The following ZNF469 variants were observed in gnomAD, a reference collection of about 807,000 sequenced individuals.
ZNF469 encodes zinc finger protein 469.
In ZNF469, 1 loss-of-function variant was observed where a neutral mutation model predicts 1.0. That is an observed-to-expected ratio of 1.00 (90% CI 0.35 to 4.73). ZNF469 has a LOEUF of 4.73. ZNF469 is among the 30% of genes most tolerant of loss of function. The pLI, the probability that ZNF469 is intolerant of heterozygous loss-of-function variation, is 0.16. For missense variants in ZNF469, 6,100 were observed against 5,356.3 expected, an observed-to-expected ratio of 1.14 and a Z score of -4.33; for synonymous variants, 2,703 against 2,363.4, an observed-to-expected ratio of 1.14 and a Z score of -4.17.
chr16:88,294,975 G>T, the ZNF469 span: 1 of 171,720 alleles, frequency 5.8e-6, no homozygotes, highest in South Asian at 1.2e-4. Context: ...CAGGGTCTGG[G>T]GAGGATGTCA....
chr16:88,358,101 G>C, the ZNF469 span, among the ~76,000 whole-genome samples: 1 of 152,244 alleles, frequency 6.6e-6, no homozygotes, highest in African/African-American at 2.4e-5. Context: ...CTTCGCTTCA[G>C]TGTGGGCTGC....
Position 88,438,820 on chromosome 16 carries a change from GC to G in ZNF469, c.11353del (p.Gln3785LysfsTer21). The G allele has an allele frequency of 6.5e-7, 1 of 1,550,350 alleles. No individual in the cohort carries two copies. The highest frequency in any genetic ancestry group is 8.7e-7 in the Non-Finnish European group (1 of 1,146,968). ...SPAPERLPARAQAKSCTKGPR... is the reference protein window; with the variant it reads ...SPAPERLPARXQAKSCTKGPR... ...TGCACCAGAGAGGCTCCCCGCTCGAGCCCAAGCCAAGAGCTGCACCAAGGGG... is the reference window on the plus strand; with the variant it reads ...TGCACCAGAGAGGCTCCCCGCTCGAGCCAAGCCAAGAGCTGCACCAAGGGG... On this transcript the variant is annotated frameshift_variant, in exon 3 of 3. Coordinates refer to ENST00000565624, the MANE Select transcript of ZNF469 (RefSeq NM_001367624.2). LOFTEE classifies it low-confidence loss of function (END_TRUNC).
At position 88,429,600 on chromosome 16, in the gene ZNF469, T is replaced by C. The variant is rs12918876; in HGVS notation, c.2130T>C (p.Pro710=). The change falls in exon 3 of 3, where the codon CCT becomes CCC. Residue 710 remains proline, a synonymous_variant. Coordinates refer to ENST00000565624, the MANE Select transcript of ZNF469 (RefSeq NM_001367624.2). The stretch of plus-strand genomic sequence containing the variant: ...TGCAGGGCTTCCCCCGTGCGCCGCC[T>C]CCGTACCCCACACACCACTTCTCCC... ...GGLQGFPRAP[P]PYPTHHFSLS... 1,070,938 of 1,548,842 alleles carry C rather than the reference T, an allele frequency of 0.69. 375,717 individuals carry two copies. Among genetic ancestry groups the C allele is most frequent in the South Asian group, 0.76 (63,870 of 83,968 alleles).
the ZNF469 span, among the ~76,000 whole-genome samples, chr16:88,349,077 C>T: frequency 1.3e-5 from 2 of 152,196 alleles, no homozygotes; most frequent in East Asian, 3.9e-4. Context: ...GATCCACAGG[C>T]CAGCATGGCT....
At chr16:88,200,443 C>T in the ZNF469 span, among the ~76,000 whole-genome samples, 1 of 152,224 alleles carries the variant, frequency 6.6e-6, no homozygotes, top group Non-Finnish European at 1.5e-5. Context: ...GCACCTGCCC[C>T]GTGGCCAGCA....
chr16:88,269,358 G>A, the ZNF469 span, among the ~76,000 whole-genome samples: 46 of 152,034 alleles, frequency 3.0e-4, no homozygotes, highest in East Asian at 8.3e-3. Context: ...CCGGACGGCC[G>A]GGCCTACAGC....
At chr16:88,233,709 A>G in the ZNF469 span, among the ~76,000 whole-genome samples, 12 of 152,226 alleles carry the variant, frequency 7.9e-5, no homozygotes, top group Non-Finnish European at 1.8e-4. Flanking sequence ...TGGGGCCGTG[A>G]TGGGCTGGCC....
the ZNF469 span, among the ~76,000 whole-genome samples, chr16:88,244,059 G>T: frequency 6.8e-6 from 1 of 147,556 alleles, no homozygotes; most frequent in Non-Finnish European, 1.5e-5. Context: ...ATGGATGAGT[G>T]CATGGATGGA....
In ZNF469 at chr16:88,437,497, G is replaced by A. The variant is rs1413146326; in HGVS notation, c.10027G>A (p.Gly3343Arg). The change falls in exon 3 of 3, where the codon GGG becomes AGG. Residue 3343 changes from glycine (G) to arginine (R), a missense_variant. By Grantham distance (125) the Gly-to-Arg change is moderately radical (BLOSUM62 -2). Coordinates refer to ENST00000565624, the MANE Select transcript of ZNF469 (RefSeq NM_001367624.2). The part of the protein sequence containing the change: ...KDPSRDCHHC[G>R]KRFPKPFKLQ... ...CCCCTCCCGCGACTGCCACCACTGC[G>A]GGAAGCGCTTCCCCAAGCCCTTCAA... 1.9e-6 allele frequency: 3 copies of A among 1,540,268 alleles called. No homozygotes were observed. The highest frequency in any genetic ancestry group is 2.8e-5 in the African/African-American group (2 of 72,342).
chr16:88,207,941 G>A, the ZNF469 span, among the ~76,000 whole-genome samples: 21 of 152,214 alleles, frequency 1.4e-4, no homozygotes, highest in African/African-American at 4.8e-4. Flanking sequence ...TGTCTTTGGC[G>A]GCCATGATTT....
Position 88,428,840 on chromosome 16 carries a change from C to T in ZNF469, c.1370C>T (p.Ala457Val), listed in dbSNP as rs2142299361. Residue 457 changes from alanine (A) to valine (V), a missense_variant, in exon 3 of 3, where the codon GCT becomes GTT. Transcript: ENST00000565624. ...CCCACACCTCCTGGGGGCCCCCTGG[C>T]TGCCACCAGGAGTATGTTCTTTAAC... is the stretch of plus-strand genomic sequence containing the variant. ...PYPTPPGGPL[A>V]ATRSMFFNGQ... is the part of the protein sequence containing the mutation. 12 of 1,548,036 alleles carry T rather than the reference C, an allele frequency of 7.8e-6. No individual in the cohort carries two copies. Among genetic ancestry groups the T allele is most frequent in the Non-Finnish European group, 1.0e-5 (12 of 1,146,150 alleles).
chr16:88,154,381 G>T, the ZNF469 span, among the ~76,000 whole-genome samples: 1 of 152,194 alleles, frequency 6.6e-6, no homozygotes, highest in Non-Finnish European at 1.5e-5. Flanking sequence ...GGCCAGGCTG[G>T]TCTCAAACTC....
the ZNF469 span, among the ~76,000 whole-genome samples, chr16:88,109,533 C>G: frequency 6.6e-6 from 1 of 151,684 alleles, no homozygotes; most frequent in African/African-American, 2.4e-5. Context: ...TGTCTCCTCC[C>G]TGGGATCAGG....
chr16:88,432,022 C>G lies in ZNF469; in HGVS notation c.4552C>G (p.Leu1518Val). The change falls in exon 3 of 3, where the codon CTC (leucine) becomes GTC (valine). Residue 1518 changes from leucine (L) to valine (V), a missense_variant. Leu to Val is a conservative substitution (Grantham distance 32, BLOSUM62 1). Transcript: ENST00000565624. ...SPMLPSHFPD[L>V]SGGKVLSKTC... ...GATGCTGCCTAGCCATTTTCCTGAT[C>G]TCTCGGGGGGAAAGGTGCTCAGTAA... 1 of 1,550,432 alleles carries G rather than the reference C, an allele frequency of 6.4e-7. No homozygotes were observed. Among genetic ancestry groups the G allele is most frequent in the Non-Finnish European group, 8.7e-7 (1 of 1,146,984 alleles).
At chr16:88,269,799 G>A in the ZNF469 span, among the ~76,000 whole-genome samples, 1 of 152,162 alleles carries the variant, frequency 6.6e-6, no homozygotes, top group African/African-American at 2.4e-5. Flanking sequence ...TACAACCTCA[G>A]TGGCTTCTGA....
At chr16:88,319,262 G>C in the ZNF469 span, among the ~76,000 whole-genome samples, 1 of 152,096 alleles carries the variant, frequency 6.6e-6, no homozygotes, top group African/African-American at 2.4e-5. Flanking sequence ...CCGAGACCTG[G>C]ACACCTGCCT....
the ZNF469 span, among the ~76,000 whole-genome samples, chr16:88,242,312 T>G: frequency 6.6e-6 from 1 of 152,220 alleles, no homozygotes; most frequent in Non-Finnish European, 1.5e-5. Flanking sequence ...GCATTCAAAA[T>G]TCTTCAACAA....
At chr16:88,422,810 G>A (rs1905528855) in intron 1 of ZNF469, among the ~76,000 whole-genome samples, 1 of 149,226 alleles carries the variant, frequency 6.7e-6, no homozygotes, top group South Asian at 2.1e-4. Flanking sequence ...ATGGACAGAT[G>A]GGCAGATGGG....
At chr16:88,218,964 T>A in the ZNF469 span, among the ~76,000 whole-genome samples, 1 of 141,036 alleles carries the variant, frequency 7.1e-6, no homozygotes, top group Non-Finnish European at 1.5e-5. Context: ...AGCATTCTTA[T>A]ACACCAACAA....
Sources: gnomAD v4.1 joint callset for allele counts (sites outside exome capture counted in the v4.1 genomes callset) on GRCh38, gnomAD v4.1.1 for gene constraint, MANE v1.5 for transcripts, NCBI Gene and HGNC (gene_info 2026-07-23, HGNC 2026-07-21) for gene names.